Variants in AKAP13 observed in about 807,000 individuals in gnomAD.
AKAP13 encodes the protein A-kinase anchor protein 13.
AKAP13 carries 80 observed loss-of-function variants against 264.5 expected under a neutral mutation model. The ratio of observed to expected loss-of-function variants is 0.30; its 90% CI spans 0.25 to 0.36. AKAP13 has a LOEUF of 0.36. Ranked by LOEUF, AKAP13 falls within the 10% of genes least tolerant of loss-of-function variation. The pLI, the probability that AKAP13 is intolerant of heterozygous loss-of-function variation, is 1.00. For synonymous variants in AKAP13, 1,380 were observed against 1,250.2 expected (o/e 1.10, Z -2.19); for missense variants, 3,712 against 3,435.2 (o/e 1.08, Z -2.01).
At chr15:85,655,261 A>G (rs375674106) in intron 10 of AKAP13, among the ~76,000 whole-genome samples, 156 bp from the exon 11 acceptor site, 58 of 152,136 alleles carry the variant, frequency 3.8e-4, no homozygotes, top group Admixed American at 3.7e-3. Flanking sequence ...TTTGAATCCA[A>G]TTGTGATCAT....
At chr15:85,553,482 A>C (rs943722982) in intron 5 of AKAP13, among the ~76,000 whole-genome samples, 1 of 152,224 alleles carries the variant, frequency 6.6e-6, no homozygotes, top group Non-Finnish European at 1.5e-5. Flanking sequence ...TAGCCGGTGC[A>C]CTATCTCTTA....
At position 85,658,560 on chromosome 15, in the gene AKAP13, T is replaced by C; in HGVS notation, c.4769T>C (p.Val1590Ala). The C allele has an allele frequency of 6.2e-7, 1 of 1,614,022 alleles. No homozygotes were observed. The highest frequency in any genetic ancestry group is 1.1e-5 in the South Asian group (1 of 91,054). ...HRSSMRVLGDVVRRPPIHRRS... is the reference protein window; with the variant it reads ...HRSSMRVLGDAVRRPPIHRRS... ...AGTTCAATGCGAGTTCTTGGGGATGTTGTCAGGAGACCTCCCATTCATAGG... is the reference window on the plus strand; with the variant it reads ...AGTTCAATGCGAGTTCTTGGGGATGCTGTCAGGAGACCTCCCATTCATAGG... The change falls in exon 12 of 37, where the codon GTT becomes GCT. Residue 1590 changes from valine to alanine, a missense_variant. Physicochemically the swap from Val to Ala is moderately conservative, Grantham distance 64 (BLOSUM62 0). Coordinates refer to ENST00000394518, the MANE Select transcript of AKAP13 (RefSeq NM_007200.5).
At chr15:85,481,432 G>A (rs947273327) in intron 1 of AKAP13, among the ~76,000 whole-genome samples, 2 of 152,116 alleles carry the variant, frequency 1.3e-5, no homozygotes, top group African/African-American at 2.4e-5. Flanking sequence ...GTCAGTGGGG[G>A]AGAATGTTAA....
chr15:85,492,654 A>G (rs2075763132), intron 2 of AKAP13, among the ~76,000 whole-genome samples: 2 of 152,238 alleles, frequency 1.3e-5, no homozygotes, highest in Non-Finnish European at 1.5e-5. Flanking sequence ...ATACTCTTAC[A>G]TGATGTAAGT....
chr15:85,385,086 A>G (rs1365009593), intron 1 of AKAP13, among the ~76,000 whole-genome samples: 2 of 152,236 alleles, frequency 1.3e-5, no homozygotes. Flanking sequence ...TTGGTGCTAT[A>G]GTAGCAGAGT....
chr15:85,433,784 T>C (rs1325328404), intron 1 of AKAP13, among the ~76,000 whole-genome samples: 1 of 150,642 alleles, frequency 6.6e-6, no homozygotes, highest in Admixed American at 6.6e-5. Flanking sequence ...CTACTAAAAA[T>C]ATAAAAATTA....
intron 1 of AKAP13, among the ~76,000 whole-genome samples, chr15:85,394,906 G>C (rs2071039424): frequency 6.6e-6 from 1 of 152,194 alleles, no homozygotes; most frequent in African/African-American, 2.4e-5. Flanking sequence ...GGATTCTTCA[G>C]AGTTGCAACG....
intron 2 of AKAP13, among the ~76,000 whole-genome samples, chr15:85,495,231 G>A (rs541214470): frequency 1.3e-5 from 2 of 152,134 alleles, no homozygotes; most frequent in Non-Finnish European, 2.9e-5. Context: ...GTAAAGCTCA[G>A]TTCCCATGGT....
At chr15:85,738,883 T>TTTCCAGC (rs2088750394) in intron 33 of AKAP13, among the ~76,000 whole-genome samples, 1 of 151,994 alleles carries the variant, frequency 6.6e-6, no homozygotes, top group Non-Finnish European at 1.5e-5. Flanking sequence ...GGTGTTTATA[T>TTTCCAGC]TTCCAGCCTT....
At chr15:85,664,825 C>T in intron 13 of AKAP13, 70 bp downstream of exon 13, 1 of 1,443,534 alleles carries the variant, frequency 6.9e-7, no homozygotes, top group African/African-American at 1.4e-5. Flanking sequence ...GGCAAGGCTT[C>T]TGGTAGTATA....
intron 1 of AKAP13, among the ~76,000 whole-genome samples, chr15:85,442,429 T>TAC (rs1567059380): frequency 7.8e-6 from 1 of 127,562 alleles, no homozygotes; most frequent in Admixed American, 8.8e-5. Flanking sequence ...AAAAAATATA[T>TAC]ATATATATAA....
chr15:85,505,749 T>C (rs559414411), intron 2 of AKAP13, among the ~76,000 whole-genome samples: 1 of 152,302 alleles, frequency 6.6e-6, no homozygotes, highest in Admixed American at 6.5e-5. Flanking sequence ...ATGCGTTTTA[T>C]TTTGAGGGAT....
chr15:85,505,823 A>G (rs2076204926), intron 2 of AKAP13, among the ~76,000 whole-genome samples: 1 of 152,218 alleles, frequency 6.6e-6, no homozygotes, highest in Admixed American at 6.5e-5. Flanking sequence ...GGTTAAATAA[A>G]TAAGGGTGAA....
chr15:85,450,081 A>T (rs2074029674), intron 1 of AKAP13, among the ~76,000 whole-genome samples: 1 of 151,430 alleles, frequency 6.6e-6, no homozygotes, highest in African/African-American at 2.4e-5. Flanking sequence ...TTTATTACTG[A>T]TTCAATTTTG....
Position 85,575,304 on chromosome 15 carries a change from T to C in AKAP13, c.836T>C (p.Leu279Pro). 1 of 1,614,176 alleles carries C rather than the reference T, an allele frequency of 6.2e-7. No homozygotes were observed. Among genetic ancestry groups the C allele is most frequent in the Non-Finnish European group, 8.5e-7 (1 of 1,180,034 alleles). Reference sequence around the variant, plus strand: ...GGTTGCACTGGACCAATTTTTAAACTTATGAACATCCAACAGCAACTAATG... The same window carrying C: ...GGTTGCACTGGACCAATTTTTAAACCTATGAACATCCAACAGCAACTAATG... ...GDGCTGPIFKLMNIQQQLMKT... is the reference protein window; with the variant it reads ...GDGCTGPIFKPMNIQQQLMKT... Residue 279 changes from leucine to proline, a missense_variant, in exon 6 of 37, where the codon CTT becomes CCT. Physicochemically the swap from Leu to Pro is moderately conservative, Grantham distance 98. This residue lies in a region of AKAP13 where 2,759 missense variants were observed against 2,411.7 expected (regional missense o/e 1.14). Transcript: ENST00000394518.
intron 1 of AKAP13, among the ~76,000 whole-genome samples, chr15:85,404,765 T>A (rs1448695778): frequency 6.6e-6 from 1 of 152,218 alleles, no homozygotes; most frequent in Admixed American, 6.5e-5. Context: ...CAGCTTATGG[T>A]AGGGGCTCAG....
At chr15:85,707,262 G>C (rs140215484) in intron 17 of AKAP13, among the ~76,000 whole-genome samples, 1 of 152,340 alleles carries the variant, frequency 6.6e-6, no homozygotes, top group East Asian at 1.9e-4. Context: ...AGACACAGAG[G>C]CTTGGGTTTT....
intron 16 of AKAP13, among the ~76,000 whole-genome samples, chr15:85,692,288 A>G (rs2085329745): frequency 6.6e-6 from 1 of 152,226 alleles, no homozygotes; most frequent in South Asian, 2.1e-4. Context: ...AATATTGCTA[A>G]GCATTATTGT....
intron 14 of AKAP13, among the ~76,000 whole-genome samples, chr15:85,678,884 A>T (rs1293749875): frequency 9.5e-6 from 1 of 105,022 alleles, no homozygotes; most frequent in African/African-American, 2.8e-5. Context: ...AAACAAAATT[A>T]AAAAAAAAAA....
Sources: allele counts gnomAD v4.1 joint callset (sites outside exome capture counted in the v4.1 genomes callset), GRCh38; gene constraint gnomAD v4.1.1; regional missense constraint gnomAD v4.1.1; transcripts MANE v1.5; gene names NCBI Gene and HGNC (gene_info 2026-07-23, HGNC 2026-07-21).